The following ST6GALNAC5 variants were observed in gnomAD, a reference collection of about 807,000 sequenced individuals.
ST6GALNAC5 encodes the protein ST6 N-acetylgalactosaminide alpha-2,6-sialyltransferase 5.
A neutral mutation model predicts 33.6 loss-of-function variants in ST6GALNAC5; 27 were observed. The observed-to-expected ratio is 0.80, with a 90% CI of 0.59 to 1.11. The LOEUF is 1.11. Ranked by LOEUF, ST6GALNAC5 falls within the 50% of genes least tolerant of loss-of-function variation. ST6GALNAC5 has a pLI of 0.00. For synonymous variants in ST6GALNAC5, 194 were observed against 171.2 expected (o/e 1.13, Z -1.04); for missense variants, 428 against 454.0 (o/e 0.94, Z 0.52).
At chr1:76,915,055 A>C (rs1468973483) in intron 2 of ST6GALNAC5, among the ~76,000 whole-genome samples, 1 of 150,186 alleles carries the variant, frequency 6.7e-6, no homozygotes. Context: ...ACTTCTCAAA[A>C]GAAGACATTT....
intron 2 of ST6GALNAC5, among the ~76,000 whole-genome samples, chr1:76,947,587 A>G (rs564654650): frequency 1.8e-4 from 28 of 152,066 alleles, no homozygotes; most frequent in Non-Finnish European, 4.0e-4. Context: ...AAAATTTTAC[A>G]TTAGCTAGGT....
chr1:77,059,846 ATTTG>A (rs1396758611), intron 4 of ST6GALNAC5, among the ~76,000 whole-genome samples: 1 of 151,644 alleles, frequency 6.6e-6, no homozygotes, highest in Non-Finnish European at 1.5e-5. Flanking sequence ...TCCTCCATTT[ATTTG>A]TTTATTTATT....
At chr1:76,946,600 A>C (rs1438536097) in intron 2 of ST6GALNAC5, among the ~76,000 whole-genome samples, 1 of 152,116 alleles carries the variant, frequency 6.6e-6, no homozygotes, top group Non-Finnish European at 1.5e-5. Flanking sequence ...AAAGAAGAAA[A>C]AATGCCCCAA....
At chr1:76,882,146 A>G (rs1192917594) in intron 2 of ST6GALNAC5, among the ~76,000 whole-genome samples, 1 of 152,204 alleles carries the variant, frequency 6.6e-6, no homozygotes, top group Non-Finnish European at 1.5e-5. Flanking sequence ...GGATAGTTAA[A>G]AAGAGTCTTC....
At chr1:77,015,062 C>T (rs1650776030) in intron 2 of ST6GALNAC5, among the ~76,000 whole-genome samples, 1 of 119,240 alleles carries the variant, frequency 8.4e-6, no homozygotes. Context: ...CACACACACA[C>T]ACACACACAC....
intron 2 of ST6GALNAC5, among the ~76,000 whole-genome samples, chr1:76,956,899 C>T (rs1001885952): frequency 6.6e-6 from 1 of 152,116 alleles, no homozygotes; most frequent in African/African-American, 2.4e-5. Context: ...GAGGGTCCGA[C>T]GACTCCTTCA....
chr1:77,011,212 C>T (rs185537900), intron 2 of ST6GALNAC5, among the ~76,000 whole-genome samples: 14 of 152,238 alleles, frequency 9.2e-5, no homozygotes, highest in Admixed American at 7.8e-4. Flanking sequence ...AGCTTTTGGC[C>T]GTGAGAAACA....
chr1:77,047,838 T>A (rs1392819724), intron 3 of ST6GALNAC5, among the ~76,000 whole-genome samples: 1 of 152,220 alleles, frequency 6.6e-6, no homozygotes, highest in Admixed American at 6.5e-5. Context: ...ATCAGCTCAG[T>A]GTGTTACTTC....
At chr1:76,927,423 AAACTCT>A (rs1647096753) in intron 2 of ST6GALNAC5, among the ~76,000 whole-genome samples, 1 of 152,134 alleles carries the variant, frequency 6.6e-6, no homozygotes, top group Non-Finnish European at 1.5e-5. Flanking sequence ...CTGTAATTCA[AAACTCT>A]AGTAAGAAGA....
Position 77,040,324 on chromosome 1 carries a change from A to C in ST6GALNAC5, c.262-3880A>C, listed in dbSNP as rs1030475065. On this transcript the variant is annotated intron_variant, in intron 2 of 4. Transcript: ENST00000477717. ...CAAAAGCACCTAAGGCATACTTCAG[A>C]CTTCGATCTTTTTTGCATTGTTTGA... Among the ~76,000 whole-genome samples, 3 of 152,240 alleles carry C rather than the reference A, an allele frequency of 2.0e-5. No homozygotes were observed. The South Asian group carries it at 6.2e-4, about 32-fold the overall frequency.
intron 2 of ST6GALNAC5, among the ~76,000 whole-genome samples, chr1:77,032,726 A>C (rs1191097221): frequency 1.3e-5 from 2 of 152,196 alleles, no homozygotes; most frequent in Non-Finnish European, 2.9e-5. Context: ...CTCCACTCTA[A>C]CACTGTATTT....
Position 77,058,508 on chromosome 1 carries a change from C to T in ST6GALNAC5, c.780-4467C>T, listed in dbSNP as rs192480719. Among the ~76,000 whole-genome samples the T allele has an allele frequency of 1.2e-3, 187 of 152,298 alleles. 2 individuals carry two copies. Among genetic ancestry groups the T allele is most frequent in the Non-Finnish European group, 2.3e-3 (156 of 68,030 alleles). The stretch of plus-strand genomic sequence containing the variant: ...CTCCCCCTTTCTCTTCTTCCTCTCT[C>T]GCCTTGTGATTTATGCACATGCCAG... On this transcript the variant is annotated intron_variant, in intron 4 of 4. Transcript: ENST00000477717.
chr1:76,880,975 T>C (rs991995827), intron 2 of ST6GALNAC5, among the ~76,000 whole-genome samples: 3 of 152,134 alleles, frequency 2.0e-5, no homozygotes, highest in African/African-American at 7.2e-5. Flanking sequence ...AATACTAGGA[T>C]TATGGAAGAT....
intron 2 of ST6GALNAC5, among the ~76,000 whole-genome samples, chr1:76,876,908 A>C (rs1653653551): frequency 6.6e-6 from 1 of 152,214 alleles, no homozygotes; most frequent in African/African-American, 2.4e-5. Flanking sequence ...GAGAGAAGGC[A>C]GGGTGGCAAG....
intron 2 of ST6GALNAC5, among the ~76,000 whole-genome samples, chr1:76,910,202 T>C (rs900705035): frequency 1.6e-4 from 24 of 152,034 alleles, no homozygotes; most frequent in Non-Finnish European, 3.1e-4. Context: ...TGTCTGACAA[T>C]TTTCATATCA....
At chr1:76,889,909 A>G (rs1308322291) in intron 2 of ST6GALNAC5, among the ~76,000 whole-genome samples, 1 of 152,020 alleles carries the variant, frequency 6.6e-6, no homozygotes, top group African/African-American at 2.4e-5. Flanking sequence ...TTATTTATGT[A>G]TCTGATAACA....
At chr1:76,908,434 C>T (rs1367751879) in intron 2 of ST6GALNAC5, among the ~76,000 whole-genome samples, 2 of 152,122 alleles carry the variant, frequency 1.3e-5, no homozygotes, top group Non-Finnish European at 2.9e-5. Context: ...CAATCACCTC[C>T]CAAAGGCCTC....
intron 2 of ST6GALNAC5, among the ~76,000 whole-genome samples, chr1:77,020,375 C>T (rs199683): frequency 0.32 from 48,824 of 151,972 alleles, 8,934 homozygotes; most frequent in African/African-American, 0.49. Context: ...TTATGCCATG[C>T]TTTTGTTTCC....
At chr1:77,015,738 G>C (rs1377375939) in intron 2 of ST6GALNAC5, among the ~76,000 whole-genome samples, 1 of 151,970 alleles carries the variant, frequency 6.6e-6, no homozygotes, top group Non-Finnish European at 1.5e-5. Context: ...AATGACATAA[G>C]GCATCAAGAA....
Sources: allele counts gnomAD v4.1 joint callset (sites outside exome capture counted in the v4.1 genomes callset), GRCh38; gene constraint gnomAD v4.1.1; transcripts MANE v1.5; gene names NCBI Gene and HGNC (gene_info 2026-07-23, HGNC 2026-07-21).